The following BBS9 variants were observed in gnomAD, a reference collection of about 807,000 sequenced individuals.
The protein encoded by BBS9 is Bardet-Biedl syndrome 9.
A neutral mutation model predicts 117.7 loss-of-function variants in BBS9; 89 were observed. That is an observed-to-expected ratio of 0.76 (90% confidence interval 0.64 to 0.90). The LOEUF (loss-of-function observed/expected upper bound fraction) is 0.90, where lower values mean the gene tolerates loss of function less well. Among genes scored for constraint, BBS9 ranks in the 40% least tolerant of loss-of-function variants. BBS9 has a pLI of 0.00. For missense variants in BBS9, 982 were observed against 1,042.2 expected, an observed-to-expected ratio of 0.94 and a Z score of 0.80; for synonymous variants, 379 against 370.9, an observed-to-expected ratio of 1.02 and a Z score of -0.25.
chr7:33,271,530 G>A (rs1799797731), intron 7 of BBS9, among the ~76,000 whole-genome samples: 2 of 152,098 alleles, frequency 1.3e-5, no homozygotes, highest in Non-Finnish European at 2.9e-5. Flanking sequence ...ACTCTGTGAA[G>A]CAAATGGAAA....
chr7:33,329,911 G>C (rs1813658779), intron 9 of BBS9, among the ~76,000 whole-genome samples: 1 of 151,954 alleles, frequency 6.6e-6, no homozygotes, highest in South Asian at 2.1e-4. Context: ...ATTTTTATGT[G>C]TGAATTGTCT....
At position 33,288,164 on chromosome 7, in the gene BBS9, G is replaced by A. The variant is rs115668858; in HGVS notation, c.1016+14208G>A. Among the ~76,000 whole-genome samples, 1,317 of 152,268 alleles carry A rather than the reference G, an allele frequency of 8.6e-3. 17 individuals carry two copies. Among genetic ancestry groups the A allele is most frequent in the South Asian group, 0.044 (210 of 4,826 alleles). ...CTACCAGAAATTCGTGCCTTATGCC[G>A]TTATGCAACCCAGCCCTCCTTTGGT... On this transcript the variant is annotated intron_variant, in intron 9 of 22. Transcript: ENST00000242067.
chr7:33,178,283 T>C (rs546130546), intron 5 of BBS9, among the ~76,000 whole-genome samples: 1 of 152,292 alleles, frequency 6.6e-6, no homozygotes, highest in East Asian at 1.9e-4. Flanking sequence ...GCTTTTTCTG[T>C]GTTTCACAAA....
intron 20 of BBS9, among the ~76,000 whole-genome samples, chr7:33,516,137 T>C (rs768457433): frequency 6.6e-6 from 1 of 152,184 alleles, no homozygotes; most frequent in Non-Finnish European, 1.5e-5. Context: ...AGTTATTATA[T>C]GCCACTGAGT....
At chr7:33,313,983 T>C (rs1195884924) in intron 9 of BBS9, among the ~76,000 whole-genome samples, 1 of 152,210 alleles carries the variant, frequency 6.6e-6, no homozygotes, top group African/African-American at 2.4e-5. Context: ...CAGAATGAGC[T>C]GTGTATGTGG....
At chr7:33,167,464 A>G (rs965597670) in intron 4 of BBS9, among the ~76,000 whole-genome samples, 3 of 146,850 alleles carry the variant, frequency 2.0e-5, no homozygotes, top group Non-Finnish European at 3.0e-5. Context: ...GTGCAGTGGT[A>G]CAATCTCAGC....
chr7:33,366,607 C>T (rs372351787), intron 16 of BBS9, among the ~76,000 whole-genome samples: 68 of 136,934 alleles, frequency 5.0e-4, no homozygotes, highest in South Asian at 1.5e-3. Flanking sequence ...TGCAGTGGCA[C>T]GATCTCGGCT....
chr7:33,528,869 T>C (rs893910665), intron 20 of BBS9, among the ~76,000 whole-genome samples: 3 of 152,266 alleles, frequency 2.0e-5, no homozygotes, highest in African/African-American at 7.2e-5. Flanking sequence ...TTTTGTGCTT[T>C]GGTTACTTTG....
intron 21 of BBS9, among the ~76,000 whole-genome samples, chr7:33,571,630 TA>T (rs1297635133): frequency 3.9e-5 from 6 of 152,084 alleles, no homozygotes; most frequent in Non-Finnish European, 7.4e-5. Flanking sequence ...AGGAAGTTTA[TA>T]TTTTTTTATA....
chr7:33,629,225 T>C (rs1431629353), intron 21 of BBS9, among the ~76,000 whole-genome samples: 3 of 152,194 alleles, frequency 2.0e-5, no homozygotes, highest in Non-Finnish European at 2.9e-5. Context: ...ATGAGGAGAA[T>C]GTACATTTTG....
chr7:33,296,268 T>C (rs965768656), intron 9 of BBS9, among the ~76,000 whole-genome samples: 2 of 152,184 alleles, frequency 1.3e-5, no homozygotes, highest in African/African-American at 4.8e-5. Flanking sequence ...AATCAGTTAG[T>C]ACTTTTAAGT....
chr7:33,473,524 A>T (rs1476196585), intron 19 of BBS9, among the ~76,000 whole-genome samples: 1 of 152,130 alleles, frequency 6.6e-6, no homozygotes, highest in African/African-American at 2.4e-5. Flanking sequence ...GAGTTTCACC[A>T]TGTTGGCCAG....
At chr7:33,129,418 C>T (rs895262319), upstream of BBS9, 1 of 292,712 alleles carries the variant, frequency 3.4e-6, no homozygotes, top group East Asian at 6.1e-5. Flanking sequence ...TTCACTCGAG[C>T]CCCGCCCCAG....
Position 33,331,900 on chromosome 7 carries a change from G to A in BBS9, c.1017-4541G>A, listed in dbSNP as rs540580116. Among the ~76,000 whole-genome samples, 33 of 152,232 alleles carry A rather than the reference G, an allele frequency of 2.2e-4. 1 individual carries two copies. In the South Asian group the frequency reaches 2.3e-3, roughly 11 times the overall value. ...GCCCAAAGCAATCTATAGATTCAAT[G>A]CAATTCCCATCAAAATACCGTCATC... is the stretch of plus-strand genomic sequence containing the variant. On this transcript the variant is annotated intron_variant, in intron 9 of 22. Coordinates refer to ENST00000242067, the MANE Select transcript of BBS9 (RefSeq NM_198428.3).
intron 9 of BBS9, among the ~76,000 whole-genome samples, chr7:33,279,912 A>G (rs1480290150): frequency 6.6e-6 from 1 of 152,222 alleles, no homozygotes; most frequent in Non-Finnish European, 1.5e-5. Context: ...TTCTCTGGAG[A>G]TATCAAATAA....
chr7:33,209,195 G>A (rs779115925), intron 5 of BBS9, among the ~76,000 whole-genome samples: 17 of 152,172 alleles, frequency 1.1e-4, no homozygotes, highest in Non-Finnish European at 2.2e-4. Flanking sequence ...AACATGTGAA[G>A]TTTGTCTTTC....
intron 16 of BBS9, 100 bp from the exon 17 acceptor site, chr7:33,367,667 G>A (rs1315271023): frequency 8.9e-6 from 8 of 900,438 alleles, no homozygotes; most frequent in Non-Finnish European, 1.5e-5. Context: ...TACATGACTA[G>A]TGACATAAAA....
At chr7:33,348,987 A>T (rs762358925) in intron 12 of BBS9, 81 bp from the exon 13 acceptor site, 9 of 954,552 alleles carry the variant, frequency 9.4e-6, no homozygotes, top group Non-Finnish European at 1.5e-5. Context: ...ATTATTTGCT[A>T]GTTATGTTTA....
chr7:33,147,100 T>A (rs1702987560), intron 2 of BBS9, among the ~76,000 whole-genome samples: 2 of 152,234 alleles, frequency 1.3e-5, no homozygotes, highest in African/African-American at 4.8e-5. Context: ...AAACAATTGT[T>A]AAATCCTTGC....
Sources: allele counts gnomAD v4.1 joint callset (sites outside exome capture counted in the v4.1 genomes callset), GRCh38; gene constraint gnomAD v4.1.1; transcripts MANE v1.5; gene names NCBI Gene and HGNC (gene_info 2026-07-23, HGNC 2026-07-21).